Variants in FSTL4 observed in about 807,000 individuals in gnomAD.
FSTL4 encodes follistatin like 4, also known as follistatin-related protein 4.
In FSTL4, 28 loss-of-function variants were observed where a neutral mutation model predicts 78.2. The ratio of observed to expected loss-of-function variants is 0.36; its 90% confidence interval spans 0.27 to 0.49. FSTL4 has a LOEUF of 0.49. Among genes scored for constraint, FSTL4 ranks in the 20% least tolerant of loss-of-function variants. FSTL4 has a pLI of 0.98. For synonymous variants in FSTL4, 422 were observed against 440.5 expected, an observed-to-expected ratio of 0.96 and a Z score of 0.53; for missense variants, 922 against 1,084.9, an observed-to-expected ratio of 0.85 and a Z score of 2.11.
intron 3 of FSTL4, among the ~76,000 whole-genome samples, chr5:133,466,280 A>T (rs25877): frequency 2.4e-4 from 36 of 152,158 alleles, no homozygotes; most frequent in African/African-American, 6.7e-4. Flanking sequence ...CGGTGGCTCA[A>T]GCCTGTAATC....
intron 6 of FSTL4, among the ~76,000 whole-genome samples, chr5:133,303,259 G>A (rs1310531764): frequency 6.6e-6 from 1 of 152,208 alleles, no homozygotes; most frequent in East Asian, 1.9e-4. Flanking sequence ...GTGCTCCTTA[G>A]CCTTTGGGGC....
the FSTL4 span, among the ~76,000 whole-genome samples, chr5:133,786,399 G>C: frequency 6.6e-6 from 1 of 152,190 alleles, no homozygotes; most frequent in East Asian, 1.9e-4. Context: ...CACTTTTCAT[G>C]ATCTAATTTA....
chr5:133,230,249 C>T (rs548909715), intron 8 of FSTL4, among the ~76,000 whole-genome samples: 2 of 152,204 alleles, frequency 1.3e-5, no homozygotes, highest in East Asian at 1.9e-4. Context: ...TGGTAAAGCA[C>T]GATGCTGGGC....
intron 4 of FSTL4, among the ~76,000 whole-genome samples, chr5:133,352,782 T>G (rs142375757): frequency 1.3e-3 from 202 of 152,330 alleles, no homozygotes; most frequent in African/African-American, 4.7e-3. Flanking sequence ...TGACAGGAAC[T>G]CCTTCTTTTT....
chr5:133,724,471 A>C, the FSTL4 span, among the ~76,000 whole-genome samples: 1 of 14,996 alleles, frequency 6.7e-5, no homozygotes, highest in South Asian at 1.7e-3. Context: ...ATAGGTGTTT[A>C]TTCATTGTTT....
intron 3 of FSTL4, among the ~76,000 whole-genome samples, chr5:133,564,481 T>C (rs1759984137): frequency 6.6e-6 from 1 of 152,150 alleles, no homozygotes; most frequent in African/African-American, 2.4e-5. Flanking sequence ...ACAAAGCAAA[T>C]GTGTAGCTTG....
At chr5:133,516,223 T>C (rs148424467) in intron 3 of FSTL4, among the ~76,000 whole-genome samples, 1,807 of 152,140 alleles carry the variant, frequency 0.012, 24 homozygotes, top group Middle Eastern at 0.017. Context: ...ACCCTGCAGT[T>C]AGACAAGAAT....
chr5:133,829,154 C>G, the FSTL4 span, among the ~76,000 whole-genome samples: 70,350 of 152,020 alleles, frequency 0.46, 17,289 homozygotes, highest in Non-Finnish European at 0.57. Context: ...CTTTGGGAGG[C>G]CAAGGTGGGA....
chr5:133,534,269 C>T (rs758217139), intron 3 of FSTL4, among the ~76,000 whole-genome samples: 13 of 151,994 alleles, frequency 8.6e-5, no homozygotes, highest in Non-Finnish European at 1.3e-4. Context: ...ATTTTTCTGT[C>T]ACTTGAGTTT....
intron 7 of FSTL4, among the ~76,000 whole-genome samples, chr5:133,239,498 C>T (rs994685612): frequency 1.3e-5 from 2 of 152,220 alleles, no homozygotes; most frequent in Non-Finnish European, 2.9e-5. Flanking sequence ...CACTCTGTCT[C>T]TAGCTCAAGG....
At chr5:133,312,815 G>C in intron 5 of FSTL4, 38 bp from the exon 6 acceptor site, 1 of 1,610,324 alleles carries the variant, frequency 6.2e-7, no homozygotes, top group Non-Finnish European at 8.5e-7. Flanking sequence ...AGAATCAGAT[G>C]AGTTTAGAGT....
chr5:133,561,085 A>C (rs867667584), intron 3 of FSTL4, among the ~76,000 whole-genome samples: 2 of 134,384 alleles, frequency 1.5e-5, no homozygotes, highest in Middle Eastern at 3.7e-3. Flanking sequence ...TGACACTCGG[A>C]CTCAAAATAA....
intron 2 of FSTL4, among the ~76,000 whole-genome samples, chr5:133,593,454 G>C (rs931379212): frequency 1.3e-5 from 2 of 152,130 alleles, no homozygotes; most frequent in Non-Finnish European, 2.9e-5. Flanking sequence ...CTGGACACCA[G>C]AGGGCTGCTG....
At chr5:133,701,183 A>T in the FSTL4 span, among the ~76,000 whole-genome samples, 47 of 152,150 alleles carry the variant, frequency 3.1e-4, no homozygotes, top group African/African-American at 1.1e-3. Flanking sequence ...CAGGCAGATC[A>T]CTTGAGGTCA....
intron 1 of FSTL4, among the ~76,000 whole-genome samples, chr5:133,607,179 G>A (rs140003868): frequency 2.0e-5 from 3 of 152,308 alleles, no homozygotes; most frequent in African/African-American, 7.2e-5. Context: ...CATTTGCACT[G>A]TGGATGTGTT....
At chr5:133,320,823 C>A (rs1413078275) in intron 4 of FSTL4, among the ~76,000 whole-genome samples, 3 of 151,928 alleles carry the variant, frequency 2.0e-5, no homozygotes, top group African/African-American at 4.8e-5. Flanking sequence ...CTGGCTAACA[C>A]GGTGAAACCC....
chr5:133,447,792 G>A (rs954609945), intron 3 of FSTL4, among the ~76,000 whole-genome samples: 1 of 152,140 alleles, frequency 6.6e-6, no homozygotes, highest in African/African-American at 2.4e-5. Flanking sequence ...TGTCTGCCTT[G>A]GCCTCCCAAA....
At chr5:133,244,264 C>G (rs919963396) in intron 7 of FSTL4, 7 of 152,348 alleles carry the variant, frequency 4.6e-5, no homozygotes, top group Non-Finnish European at 1.5e-5. Context: ...CCCCTTCTAC[C>G]AGACACAAGC....
At chr5:133,278,078 C>T (rs1752927899) in intron 6 of FSTL4, among the ~76,000 whole-genome samples, 1 of 152,174 alleles carries the variant, frequency 6.6e-6, no homozygotes, top group Admixed American at 6.5e-5. Flanking sequence ...AAAAGATTTG[C>T]ATGGGTGCCC....
Sources: gnomAD v4.1 joint callset for allele counts (sites outside exome capture counted in the v4.1 genomes callset) on GRCh38, gnomAD v4.1.1 for gene constraint, MANE v1.5 for transcripts, NCBI Gene and HGNC (gene_info 2026-07-23, HGNC 2026-07-21) for gene names.